CCSER2: variants seen among roughly 807,000 people sequenced by gnomAD.
CCSER2 encodes the protein serine-rich coiled-coil domain-containing protein 2.
Under a neutral mutation model 92.3 loss-of-function variants are expected in CCSER2, and 46 were observed. The observed-to-expected ratio is 0.50, with a 90% confidence interval of 0.39 to 0.64. The LOEUF (loss-of-function observed/expected upper bound fraction) is 0.64, where lower values mean the gene tolerates loss of function less well. Ranked by LOEUF, CCSER2 falls within the 30% of genes least tolerant of loss-of-function variation. The pLI is 0.00. For missense variants in CCSER2, 1,244 were observed against 1,238.9 expected (o/e 1.00, Z -0.06); for synonymous variants, 433 against 431.4 (o/e 1.00, Z -0.04).
At chr10:84,446,785 CT>C (rs1383824552) in intron 6 of CCSER2, among the ~76,000 whole-genome samples, 1 of 152,012 alleles carries the variant, frequency 6.6e-6, no homozygotes, top group Non-Finnish European at 1.5e-5. Context: ...TGTTTTTCCT[CT>C]CATTTTTACC....
chr10:84,470,457 T>G lies in CCSER2; in HGVS notation c.2234T>G (p.Leu745Arg). The G allele has an allele frequency of 7.1e-7, 1 of 1,415,834 alleles. No individual in the cohort carries two copies. Among genetic ancestry groups the G allele is most frequent in the African/African-American group, 1.5e-5 (1 of 67,610 alleles). 87.7% of individuals were successfully genotyped at this position (1,415,834 alleles called of 1,614,324 possible). A position where few individuals can be genotyped will look rare whatever the true frequency, so the allele number is the denominator to read the frequency against. The change falls in exon 8 of 10, where the codon CTT (leucine) becomes CGT (arginine). Residue 745 changes from leucine to arginine, a missense_variant and splice_region_variant. Physicochemically the swap from Leu to Arg is moderately radical, Grantham distance 102. Transcript: ENST00000372088. ...AAGATCCAACTATTAGAACTTCAGC[T>G]TGTAAGTATTGTAGTATAATGTATA... ...DEKIQLLELQ[L>R]ATQHICHQKC... is the part of the protein sequence containing the mutation.
chr10:84,479,590 G>A (rs1847342422), intron 9 of CCSER2, among the ~76,000 whole-genome samples: 1 of 152,172 alleles, frequency 6.6e-6, no homozygotes, highest in South Asian at 2.1e-4. Context: ...ATATTTATGT[G>A]CCTACTTCAT....
At chr10:84,506,741 G>T (rs1849070246) in intron 9 of CCSER2, among the ~76,000 whole-genome samples, 2 of 151,914 alleles carry the variant, frequency 1.3e-5, no homozygotes. Flanking sequence ...GCTGCATTGA[G>T]CCAAGATTGC....
intron 5 of CCSER2, among the ~76,000 whole-genome samples, 196 bp from the exon 6 acceptor site, chr10:84,438,316 G>T (rs1034651569): frequency 1.4e-4 from 22 of 152,334 alleles, no homozygotes; most frequent in African/African-American, 5.1e-4. Context: ...GGATACAGAA[G>T]ATAATTGTTT....
At chr10:84,355,519 C>T (rs527522962) in intron 1 of CCSER2, among the ~76,000 whole-genome samples, 1 of 152,084 alleles carries the variant, frequency 6.6e-6, no homozygotes, top group Non-Finnish European at 1.5e-5. Flanking sequence ...TTTTTGTTCC[C>T]CCATGTGCTA....
At chr10:84,351,977 G>A (rs1015008882) in intron 1 of CCSER2, among the ~76,000 whole-genome samples, 1 of 152,108 alleles carries the variant, frequency 6.6e-6, no homozygotes, top group African/African-American at 2.4e-5. Context: ...TGTGTGGGAT[G>A]GATCACTCAT....
chr10:84,499,821 A>G, intron 9 of CCSER2: 22 of 1,580,334 alleles, frequency 1.4e-5, no homozygotes, highest in Non-Finnish European at 1.8e-5. Context: ...TGGTTTCTCT[A>G]TTTTTTGGTT....
chr10:84,354,250 CTTTT>C (rs536114225), intron 1 of CCSER2, among the ~76,000 whole-genome samples: 2 of 145,858 alleles, frequency 1.4e-5, no homozygotes, highest in African/African-American at 5.1e-5. Context: ...TCTCAAGTTA[CTTTT>C]TTTTTTTTTA....
chr10:84,346,760 T>TA lies in CCSER2; in HGVS notation c.-40+17952_-40+17953insA, dbSNP rs1554830896. ...CTTGGCAATCCTCATTTCTTTTTTT[T>TA]TATATATATATATATATTTATTTAT... is the stretch of plus-strand genomic sequence containing the variant. On this transcript the variant is annotated intron_variant, in intron 1 of 9. Transcript: ENST00000372088. 4.8e-3 allele frequency among the ~76,000 whole-genome samples: 472 copies of TA among 98,004 alleles called. 6 individuals carry two copies. Among genetic ancestry groups the TA allele is most frequent in the Admixed American group, 7.1e-3 (51 of 7,162 alleles). The allele number at this position is 98,004 out of a possible 152,430, so 64.3% of individuals were successfully genotyped here. A position where few individuals can be genotyped will look rare whatever the true frequency, so the allele number is the denominator to read the frequency against.
rs762433103 is a variant in CCSER2 at position 84,464,030 on chromosome 10, G to A, written c.2148+14G>A. The A allele has an allele frequency of 2.0e-6, 3 of 1,474,112 alleles. No individual in the cohort carries two copies. The Admixed American group carries it at 5.7e-5, about 28-fold the overall frequency. 91.3% of individuals were successfully genotyped at this position (1,474,112 alleles called of 1,614,324 possible). A position where few individuals can be genotyped will look rare whatever the true frequency, so the allele number is the denominator to read the frequency against. ...AAAGTATATAAGGTATGACTATGTA[G>A]TCATGCTGGATTTTTCAAAATTCTT... On this transcript the variant is annotated intron_variant, in intron 7 of 9. Transcript: ENST00000372088.
intron 9 of CCSER2, among the ~76,000 whole-genome samples, chr10:84,494,182 T>C (rs917230502): frequency 6.6e-6 from 1 of 152,236 alleles, no homozygotes; most frequent in Non-Finnish European, 1.5e-5. Flanking sequence ...GGATTGGTAC[T>C]GGTCCGTGGC....
intron 1 of CCSER2, among the ~76,000 whole-genome samples, chr10:84,348,507 A>AGAGGGCAAGGGC (rs1179082496): frequency 1.3e-5 from 2 of 151,984 alleles, no homozygotes; most frequent in Admixed American, 1.3e-4. Flanking sequence ...AGGAAGAGGG[A>AGAGGGCAAGGGC]GAGGGCAAGG....
intron 5 of CCSER2, among the ~76,000 whole-genome samples, chr10:84,436,184 G>A (rs1009477921): frequency 3.3e-5 from 5 of 150,812 alleles, no homozygotes; most frequent in East Asian, 2.0e-4. Context: ...AAAATTAGCC[G>A]AGTGTGGTGG....
chr10:84,409,578 T>G (rs1564636320), intron 3 of CCSER2, among the ~76,000 whole-genome samples: 1 of 150,952 alleles, frequency 6.6e-6, no homozygotes, highest in East Asian at 1.9e-4. Context: ...ATTGCTCTCT[T>G]TTTTTTTTTC....
At chr10:84,438,771 T>TA (rs1844344525) in intron 6 of CCSER2, 64 bp downstream of exon 6, 5 of 1,042,796 alleles carry the variant, frequency 4.8e-6, no homozygotes, top group Non-Finnish European at 5.6e-6. Flanking sequence ...TGACTTTAGT[T>TA]TTTTTTAAAA....
intron 1 of CCSER2, among the ~76,000 whole-genome samples, chr10:84,356,526 AT>A (rs869132942): frequency 1.3e-5 from 2 of 152,140 alleles, no homozygotes; most frequent in Non-Finnish European, 2.9e-5. Flanking sequence ...GTAATTTAGT[AT>A]TTTTTTAAAA....
chr10:84,430,801 G>A (rs1231139578), intron 5 of CCSER2, among the ~76,000 whole-genome samples: 2 of 152,186 alleles, frequency 1.3e-5, no homozygotes, highest in Non-Finnish European at 2.9e-5. Flanking sequence ...GTTGTTGCAA[G>A]CATTTGGCTG....
chr10:84,457,296 T>C (rs1845738759), intron 6 of CCSER2, among the ~76,000 whole-genome samples: 1 of 79,062 alleles, frequency 1.3e-5, no homozygotes, highest in Non-Finnish European at 2.2e-5. Flanking sequence ...TTATATATTA[T>C]ATATAATATG....
intron 1 of CCSER2, among the ~76,000 whole-genome samples, chr10:84,352,519 G>C (rs1417884534): frequency 2.6e-5 from 4 of 151,780 alleles, no homozygotes; most frequent in East Asian, 1.9e-4. Flanking sequence ...CAGTCTTCTC[G>C]GTGAGTGGGC....
Sources: allele counts gnomAD v4.1 joint callset (sites outside exome capture counted in the v4.1 genomes callset), GRCh38; gene constraint gnomAD v4.1.1; transcripts MANE v1.5; gene names NCBI Gene and HGNC (gene_info 2026-07-23, HGNC 2026-07-21).